Variants in DACH2 observed in about 807,000 individuals in gnomAD.
DACH2 encodes the protein dachshund homolog 2.
A neutral mutation model predicts 35.8 loss-of-function variants in DACH2; 17 were observed. The ratio of observed to expected loss-of-function variants is 0.48; its 90% CI spans 0.33 to 0.71. DACH2 has a LOEUF of 0.71. DACH2 is among the 30% of genes least tolerant of loss of function. The pLI is 0.02. For synonymous variants in DACH2, 195 were observed against 177.3 expected, an observed-to-expected ratio of 1.10 and a Z score of -0.79; for missense variants, 469 against 472.7, an observed-to-expected ratio of 0.99 and a Z score of 0.07.
intron 1 of DACH2, among the ~76,000 whole-genome samples, chrX:86,337,309 G>A (rs2035330069): frequency 8.9e-6 from 1 of 111,943 alleles, no homozygotes; most frequent in Non-Finnish European, 1.9e-5. Context: ...AGGATAAAAT[G>A]TTAAGAGCAG....
At chrX:86,480,785 T>C (rs896976164) in intron 2 of DACH2, among the ~76,000 whole-genome samples, 1 of 112,316 alleles carries the variant, frequency 8.9e-6, no homozygotes, top group African/African-American at 3.2e-5. Flanking sequence ...ACTATGTTTG[T>C]ATTCCAGCTA....
At chrX:86,160,643 G>T in intron 1 of DACH2, 2 of 501,846 alleles carry the variant, frequency 4.0e-6, no homozygotes, top group South Asian at 2.8e-5. Flanking sequence ...GCTGTCACCA[G>T]CAATGTTGCC....
rs996550395 is a variant in DACH2, at chrX:86,416,724, G to A, written c.527+39862G>A. On this transcript the variant is annotated intron_variant, in intron 2 of 11. Transcript: ENST00000373125. ...CAGGAAGCTTTCATTCGTGGCAGAA[G>A]GCAAAGGGGAGCAGACATCACATGG... 6.3e-5 allele frequency among the ~76,000 whole-genome samples: 7 copies of A among 110,944 alleles called. No individual in the cohort carries two copies. In the Admixed American group the frequency reaches 6.7e-4, roughly 11 times the overall value.
intron 11 of DACH2, among the ~76,000 whole-genome samples, chrX:86,827,517 C>T (rs777721954): frequency 2.2e-3 from 240 of 111,106 alleles, no homozygotes; most frequent in Non-Finnish European, 3.9e-3. Context: ...TAAATCTACG[C>T]TTTTGCTCAC....
chrX:86,410,606 T>TA (rs1234939535), intron 2 of DACH2, among the ~76,000 whole-genome samples: 2 of 110,964 alleles, frequency 1.8e-5, no homozygotes, highest in Non-Finnish European at 1.9e-5. Context: ...GCATGGGAAT[T>TA]AAAAAACTAA....
intron 1 of DACH2, among the ~76,000 whole-genome samples, chrX:86,369,492 C>T (rs2035854717): frequency 9.0e-6 from 1 of 110,627 alleles, no homozygotes; most frequent in Non-Finnish European, 1.9e-5. Flanking sequence ...GATTCCTTTG[C>T]TCTGACCCTG....
intron 1 of DACH2, among the ~76,000 whole-genome samples, chrX:86,337,974 G>T (rs975055828): frequency 9.0e-6 from 1 of 111,389 alleles, no homozygotes; most frequent in African/African-American, 3.3e-5. Flanking sequence ...GACAAAGAAG[G>T]GCATTACATA....
intron 1 of DACH2, among the ~76,000 whole-genome samples, chrX:86,343,964 A>G (rs2035455804): frequency 9.1e-6 from 1 of 110,353 alleles, no homozygotes; most frequent in South Asian, 3.9e-4. Flanking sequence ...ATACAAAAAT[A>G]TCATGAGAAA....
At chrX:86,481,140 G>A (rs2148234201) in intron 2 of DACH2, 1 of 112,087 alleles carries the variant, frequency 8.9e-6, no homozygotes, top group Non-Finnish European at 1.9e-5. Flanking sequence ...TCCTACTCAT[G>A]TTTAAAAACT....
At chrX:86,217,337 A>G (rs994576491) in intron 1 of DACH2, among the ~76,000 whole-genome samples, 1 of 111,774 alleles carries the variant, frequency 8.9e-6, no homozygotes, top group African/African-American at 3.2e-5. Flanking sequence ...GCTGTGCTCC[A>G]TTCTACTTTT....
chrX:86,547,927 C>A lies in DACH2; in HGVS notation c.640+33536C>A, dbSNP rs183526626. ...TCTGTGCTCAGTGGAGTGCAATTGTCTTGGCCCCAGCAATTGCTGAGCAGG... is the reference window on the plus strand; with the variant it reads ...TCTGTGCTCAGTGGAGTGCAATTGTATTGGCCCCAGCAATTGCTGAGCAGG... On this transcript the variant is annotated intron_variant, in intron 3 of 11. Transcript: ENST00000373125. 5.9e-3 allele frequency among the ~76,000 whole-genome samples: 666 copies of A among 112,069 alleles called. 2 individuals are homozygous for A. Among genetic ancestry groups the A allele is most frequent in the Non-Finnish European group, 9.7e-3 (518 of 53,192 alleles).
chrX:86,258,093 C>T (rs2033558502), intron 1 of DACH2, among the ~76,000 whole-genome samples: 1 of 111,916 alleles, frequency 8.9e-6, no homozygotes, highest in African/African-American at 3.2e-5. Flanking sequence ...CACTATAAAC[C>T]ATCCATAGGG....
chrX:86,162,588 T>A (rs2147865209), intron 1 of DACH2, among the ~76,000 whole-genome samples: 1 of 110,907 alleles, frequency 9.0e-6, no homozygotes, highest in East Asian at 2.8e-4. Flanking sequence ...AAATATTAGC[T>A]GTGAATAAAA....
At chrX:86,541,208 T>C (rs2038875933) in intron 3 of DACH2, among the ~76,000 whole-genome samples, 1 of 112,154 alleles carries the variant, frequency 8.9e-6, no homozygotes, top group Non-Finnish European at 1.9e-5. Flanking sequence ...CAGGAGAATA[T>C]AGTATTGTTA....
rs1462245333 is a variant in DACH2, at chrX:86,354,019, G to T, written c.489-22805G>T. ...ACATCACTTTCAGGTACACCAATCAGACGTGTCTCAAAAGAAGACATTTAT... is the reference window on the plus strand; with the variant it reads ...ACATCACTTTCAGGTACACCAATCATACGTGTCTCAAAAGAAGACATTTAT... On this transcript the variant is annotated intron_variant, in intron 1 of 11. Coordinates refer to ENST00000373125, the MANE Select transcript of DACH2 (RefSeq NM_053281.3). 5.8e-4 allele frequency among the ~76,000 whole-genome samples: 25 copies of T among 43,420 alleles called. 8 individuals carry two copies. The highest frequency in any genetic ancestry group is 8.9e-4 in the Non-Finnish European group (23 of 25,762). 37.7% of individuals were successfully genotyped at this position (43,420 alleles called of 115,157 possible). A position where few individuals can be genotyped will look rare whatever the true frequency, so the allele number is the denominator to read the frequency against.
chrX:86,151,980 A>G (rs193256307), intron 1 of DACH2, among the ~76,000 whole-genome samples: 2 of 111,508 alleles, frequency 1.8e-5, no homozygotes, highest in East Asian at 5.6e-4. Flanking sequence ...TGATGTACCA[A>G]TGGAGATCTG....
chrX:86,268,805 A>T (rs73516042), intron 1 of DACH2, among the ~76,000 whole-genome samples: 3,623 of 110,666 alleles, frequency 0.033, 149 homozygotes, highest in African/African-American at 0.11. Context: ...AAGTGGTGGG[A>T]TTACAAGTGT....
intron 2 of DACH2, among the ~76,000 whole-genome samples, chrX:86,451,718 C>T (rs767593234): frequency 2.7e-5 from 3 of 111,366 alleles, no homozygotes; most frequent in African/African-American, 9.8e-5. Context: ...TTGTTTGTGT[C>T]ATCTCTGATT....
chrX:86,228,894 G>A (rs1202251130), intron 1 of DACH2, among the ~76,000 whole-genome samples: 3 of 110,862 alleles, frequency 2.7e-5, no homozygotes, highest in Non-Finnish European at 5.7e-5. Flanking sequence ...GATTGTGAAG[G>A]TTTTCTCCTA....
Sources: allele counts gnomAD v4.1 joint callset (sites outside exome capture counted in the v4.1 genomes callset), GRCh38; gene constraint gnomAD v4.1.1; transcripts MANE v1.5; gene names NCBI Gene and HGNC (gene_info 2026-07-23, HGNC 2026-07-21).